ZNF789: variants seen among roughly 807,000 people sequenced by gnomAD.
The protein encoded by ZNF789 is zinc finger protein 789.
A neutral mutation model predicts 15.6 loss-of-function variants in ZNF789; 11 were observed. The observed-to-expected ratio is 0.70, with a 90% CI of 0.44 to 1.16. The LOEUF is 1.16. Ranked by LOEUF, ZNF789 falls within the 50% of genes most tolerant of loss-of-function variation. The pLI, the probability that ZNF789 is intolerant of heterozygous loss-of-function variation, is 0.00. For missense variants in ZNF789, 461 were observed against 512.6 expected (o/e 0.90, Z 0.97); for synonymous variants, 159 against 176.0 (o/e 0.90, Z 0.76).
chr7:99,479,882 G>C lies in ZNF789; in HGVS notation c.151+95G>C, dbSNP rs897189796. ...CTGCAATTCCAGAATCAGAAAAAGC[G>C]GTGAAAACCGAAAGGTTTTTTTATA... is the stretch of plus-strand genomic sequence containing the variant. On this transcript the variant is annotated intron_variant, in intron 3 of 4. Coordinates refer to ENST00000331410, the MANE Select transcript of ZNF789 (RefSeq NM_213603.3). 3.4e-6 allele frequency: 5 copies of C among 1,459,948 alleles called. No individual in the cohort carries two copies. In the South Asian group the frequency reaches 5.9e-5, roughly 17 times the overall value. The allele number at this position is 1,459,948 out of a possible 1,614,324, so 90.4% of individuals were successfully genotyped here. A position where few individuals can be genotyped will look rare whatever the true frequency, so the allele number is the denominator to read the frequency against.
chr7:99,474,378 A>G (rs1170261044), intron 1 of ZNF789, among the ~76,000 whole-genome samples: 1 of 152,164 alleles, frequency 6.6e-6, no homozygotes, highest in Non-Finnish European at 1.5e-5. Context: ...GAGGATCACG[A>G]GGTCAGGAGA....
At chr7:99,484,253 A>AT in intron 4 of ZNF789, 110 bp downstream of exon 4, 1 of 772,030 alleles carries the variant, frequency 1.3e-6, no homozygotes, top group Non-Finnish European at 2.2e-6. Context: ...GGCATATATT[A>AT]TCCCACTTCT....
chr7:99,476,740 T>C (rs1038943786), intron 2 of ZNF789, among the ~76,000 whole-genome samples: 4 of 152,190 alleles, frequency 2.6e-5, no homozygotes, highest in African/African-American at 9.7e-5. Context: ...CCCTGTGAAG[T>C]CCTTTGTGCA....
chr7:99,477,546 C>T (rs1052695540), intron 2 of ZNF789, among the ~76,000 whole-genome samples: 2 of 152,020 alleles, frequency 1.3e-5, no homozygotes, highest in Non-Finnish European at 1.5e-5. Context: ...CACCATGTTG[C>T]CCAGGTTGTT....
intron 1 of ZNF789, among the ~76,000 whole-genome samples, chr7:99,475,955 C>A (rs940404488): frequency 3.3e-5 from 5 of 152,024 alleles, no homozygotes; most frequent in African/African-American, 1.2e-4. Flanking sequence ...CAGGTGCCTG[C>A]CACCTCGCCC....
intron 3 of ZNF789, among the ~76,000 whole-genome samples, chr7:99,482,884 T>C (rs1371178879): frequency 6.6e-6 from 1 of 151,598 alleles, no homozygotes; most frequent in Non-Finnish European, 1.5e-5. Flanking sequence ...GATCATGCTA[T>C]ATATGAGTTT....
At chr7:99,474,373 T>A (rs573129299) in intron 1 of ZNF789, among the ~76,000 whole-genome samples, 27 of 152,206 alleles carry the variant, frequency 1.8e-4, no homozygotes, top group African/African-American at 6.3e-4. Flanking sequence ...GGCGGGAGGA[T>A]CACGAGGTCA....
At chr7:99,478,476 A>G in intron 2 of ZNF789, 1 of 807,920 alleles carries the variant, frequency 1.2e-6, no homozygotes, top group South Asian at 1.4e-5. Context: ...GAAGCTTCTC[A>G]GGATGGTCTC....
intron 3 of ZNF789, among the ~76,000 whole-genome samples, chr7:99,483,178 C>T (rs1799739250): frequency 6.6e-6 from 1 of 152,082 alleles, no homozygotes; most frequent in Non-Finnish European, 1.5e-5. Flanking sequence ...TTGCAGTGAG[C>T]AGAGATGGTG....
intron 1 of ZNF789, among the ~76,000 whole-genome samples, chr7:99,474,412 G>T (rs530500278): frequency 1.5e-3 from 224 of 152,270 alleles, no homozygotes; most frequent in African/African-American, 5.2e-3. Flanking sequence ...GGCTAACACG[G>T]TGAAACCCCG....
intron 4 of ZNF789, chr7:99,485,187 A>C (rs1220729322): frequency 3.3e-6 from 5 of 1,534,774 alleles, no homozygotes; most frequent in Non-Finnish European, 3.5e-6. Context: ...GCATTTTTCT[A>C]CTTACTGTGT....
chr7:99,473,257 C>T (rs1347150260), intron 1 of ZNF789, among the ~76,000 whole-genome samples: 2 of 152,134 alleles, frequency 1.3e-5, no homozygotes, highest in Non-Finnish European at 2.9e-5. Context: ...GGATGGTGAA[C>T]GCCTGGACTT....
intron 2 of ZNF789, among the ~76,000 whole-genome samples, chr7:99,477,564 T>C (rs1799400819): frequency 6.6e-6 from 1 of 151,898 alleles, no homozygotes; most frequent in Non-Finnish European, 1.5e-5. Flanking sequence ...GTTCTTGAAC[T>C]CTTGGCTTGA....
intron 4 of ZNF789, among the ~76,000 whole-genome samples, chr7:99,484,759 T>A (rs1032805027): frequency 2.0e-5 from 3 of 152,038 alleles, no homozygotes; most frequent in African/African-American, 7.3e-5. Flanking sequence ...TGAAACCCCA[T>A]CTCTACAAAA....
intron 2 of ZNF789, among the ~76,000 whole-genome samples, chr7:99,477,210 T>C (rs1799383104): frequency 6.6e-6 from 1 of 151,696 alleles, no homozygotes. Context: ...GCCCAGCTAA[T>C]TTTTGTACTT....
intron 2 of ZNF789, 114 bp from the exon 3 acceptor site, chr7:99,479,547 G>C (rs888559197): frequency 2.4e-5 from 30 of 1,276,460 alleles, no homozygotes; most frequent in South Asian, 1.2e-4. Flanking sequence ...TTATGAATTG[G>C]GTGCCCTTGG....
At chr7:99,482,206 T>C (rs1799673238) in intron 3 of ZNF789, 1 of 779,090 alleles carries the variant, frequency 1.3e-6, no homozygotes. Flanking sequence ...GCTGAACGTC[T>C]CTGGCACATT....
chr7:99,474,345 A>G lies in ZNF789; in HGVS notation c.-55+1289A>G, dbSNP rs1454042732. ...CGCGGTGGCTCACGCCTGTAATCCC[A>G]GCACTTTGGGAGGCCAAGGCGGGAG... On this transcript the variant is annotated intron_variant, in intron 1 of 4. Transcript: ENST00000331410. Among the ~76,000 whole-genome samples the G allele has an allele frequency of 5.3e-5, 8 of 152,340 alleles. No individual in the cohort carries two copies. The East Asian group carries it at 1.4e-3, about 26-fold the overall frequency.
intron 1 of ZNF789, among the ~76,000 whole-genome samples, chr7:99,474,398 T>C (rs1337039212): frequency 6.6e-6 from 1 of 152,038 alleles, no homozygotes. Flanking sequence ...ATCAAGACCA[T>C]CCTGGCTAAC....
Sources: allele counts gnomAD v4.1 joint callset (sites outside exome capture counted in the v4.1 genomes callset), GRCh38; gene constraint gnomAD v4.1.1; transcripts MANE v1.5; gene names NCBI Gene and HGNC (gene_info 2026-07-23, HGNC 2026-07-21).